Variants in ZNF516 observed in about 807,000 individuals in gnomAD.
The protein encoded by ZNF516 is zinc finger protein 516.
A neutral mutation model predicts 79.7 loss-of-function variants in ZNF516; 19 were observed. The observed-to-expected ratio is 0.24, with a 90% CI of 0.17 to 0.35. The LOEUF (loss-of-function observed/expected upper bound fraction) is 0.35. Among genes scored for constraint, ZNF516 ranks in the 10% least tolerant of loss-of-function variants. The pLI is 1.00. For synonymous variants in ZNF516, 877 were observed against 739.5 expected, an observed-to-expected ratio of 1.19 and a Z score of -3.02; for missense variants, 1,678 against 1,679.5, an observed-to-expected ratio of 1.00 and a Z score of 0.02.
chr18:76,486,294 ACAGTGTC>A (rs1382814002), intron 1 of ZNF516, among the ~76,000 whole-genome samples: 11 of 152,220 alleles, frequency 7.2e-5, no homozygotes, highest in African/African-American at 2.7e-4. Context: ...ATGCCCAAAC[ACAGTGTC>A]TTGTCAGCTC....
chr18:76,389,039 T>C (rs1273997571), intron 3 of ZNF516: 1 of 152,346 alleles, frequency 6.6e-6, no homozygotes, highest in Non-Finnish European at 1.5e-5. Flanking sequence ...AATACGAGAA[T>C]GACTGCAAGA....
At chr18:76,440,577 G>T (rs888914985) in intron 3 of ZNF516, among the ~76,000 whole-genome samples, 1 of 152,214 alleles carries the variant, frequency 6.6e-6, no homozygotes, top group Non-Finnish European at 1.5e-5. Context: ...AGTTGGCCAA[G>T]CATCTTTAAA....
intron 3 of ZNF516, among the ~76,000 whole-genome samples, chr18:76,404,630 CCT>C (rs896106463): frequency 3.3e-5 from 5 of 152,118 alleles, no homozygotes; most frequent in Middle Eastern, 3.4e-3. Context: ...TATGAGTGCA[CCT>C]GTGTGAGGAT....
chr18:76,449,438 T>C lies in ZNF516; in HGVS notation c.-157-6227A>G, dbSNP rs150435220. Among the ~76,000 whole-genome samples, 379 of 152,260 alleles carry C rather than the reference T, an allele frequency of 2.5e-3. 1 individual carries two copies. Among genetic ancestry groups the C allele is most frequent in the African/African-American group, 8.4e-3 (349 of 41,550 alleles). On this transcript the variant is annotated intron_variant, in intron 2 of 6. Transcript: ENST00000443185. Reference sequence around the variant, plus strand: ...TACAGTACAGCCTTCCTGACCTCCTTCAGCCAATGATAAGAGTCTGGTGAC... The same window carrying C: ...TACAGTACAGCCTTCCTGACCTCCTCCAGCCAATGATAAGAGTCTGGTGAC...
In ZNF516 at chr18:76,431,209, T is replaced by C. The variant is rs368300682; in HGVS notation, c.1810+10036A>G. On this transcript the variant is annotated intron_variant, in intron 3 of 6. Transcript: ENST00000443185. ...AAGAACCACAAAAAGAAAAACCACA[T>C]ACACACAAATGAAAAATTACGAACT... Among the ~76,000 whole-genome samples, 4 of 150,486 alleles carry C rather than the reference T, an allele frequency of 2.7e-5. No individual in the cohort carries two copies. The East Asian group carries it at 7.7e-4, about 29-fold the overall frequency.
chr18:76,396,939 A>G (rs995096455), intron 3 of ZNF516, among the ~76,000 whole-genome samples: 4 of 152,258 alleles, frequency 2.6e-5, no homozygotes, highest in Admixed American at 6.5e-5. Context: ...AAGGGGAGCC[A>G]AAGAAATGCT....
chr18:76,431,163 C>T (rs954248403), intron 3 of ZNF516, among the ~76,000 whole-genome samples: 10 of 152,070 alleles, frequency 6.6e-5, no homozygotes, highest in Non-Finnish European at 1.2e-4. Flanking sequence ...CAGATTAGGT[C>T]CAGCACACAG....
rs559885716 is a variant in ZNF516 at position 76,364,508 on chromosome 18, A to G, written c.3433-1951T>C. On this transcript the variant is annotated intron_variant, in intron 6 of 6. Transcript: ENST00000443185. ...TCGCTTTTCTTTTCTGCAGCTGTGA[A>G]CTGTGGGCTTTTCAGTAATGCTGAA... Among the ~76,000 whole-genome samples, 7 of 152,322 alleles carry G rather than the reference A, an allele frequency of 4.6e-5. No individual in the cohort carries two copies. The South Asian group carries it at 1.2e-3, about 27-fold the overall frequency.
chr18:76,491,857 C>G (rs1915246070), intron 1 of ZNF516, among the ~76,000 whole-genome samples: 1 of 152,148 alleles, frequency 6.6e-6, no homozygotes, highest in South Asian at 2.1e-4. Flanking sequence ...CAGGGCTGCC[C>G]AGTCCCGGTT....
At chr18:76,482,488 T>C (rs969520494) in intron 1 of ZNF516, among the ~76,000 whole-genome samples, 36 of 152,356 alleles carry the variant, frequency 2.4e-4, no homozygotes, top group African/African-American at 8.2e-4. Flanking sequence ...TGGACGTCGG[T>C]ACTTCATGGC....
intron 1 of ZNF516, among the ~76,000 whole-genome samples, chr18:76,489,386 TC>T (rs1459590268): frequency 6.6e-6 from 1 of 152,236 alleles, no homozygotes. Flanking sequence ...CTTTCCTTTT[TC>T]ACATACGTTG....
chr18:76,383,948 C>G (rs1411706392), intron 3 of ZNF516, among the ~76,000 whole-genome samples: 2 of 152,224 alleles, frequency 1.3e-5, no homozygotes, highest in African/African-American at 4.8e-5. Context: ...TCGCAAAGTG[C>G]TGCCACATGA....
At chr18:76,443,404 A>G (rs1460101826) in intron 2 of ZNF516, among the ~76,000 whole-genome samples, 193 bp from the exon 3 acceptor site, 1 of 152,202 alleles carries the variant, frequency 6.6e-6, no homozygotes, top group African/African-American at 2.4e-5. Context: ...TTAATTATCA[A>G]TAATGAACTA....
At chr18:76,368,200 G>C (rs1756028104) in intron 6 of ZNF516, among the ~76,000 whole-genome samples, 1 of 152,120 alleles carries the variant, frequency 6.6e-6, no homozygotes, top group South Asian at 2.1e-4. Context: ...TATAGGATAA[G>C]AACAAGGAAC....
intron 1 of ZNF516, chr18:76,490,340 T>C (rs1915095495): frequency 4.1e-6 from 1 of 241,092 alleles, no homozygotes; most frequent in African/African-American, 2.3e-5. Flanking sequence ...TGTGGCATAT[T>C]TAATTCTGGC....
intron 1 of ZNF516, among the ~76,000 whole-genome samples, chr18:76,481,353 A>AC (rs890148896): frequency 2.0e-5 from 3 of 152,172 alleles, no homozygotes; most frequent in Non-Finnish European, 4.4e-5. Flanking sequence ...GCCTGTCCCA[A>AC]CCCCCTCTTG....
At chr18:76,395,926 G>A (rs906578917) in intron 3 of ZNF516, among the ~76,000 whole-genome samples, 12 of 152,172 alleles carry the variant, frequency 7.9e-5, no homozygotes, top group African/African-American at 2.7e-4. Context: ...GTCCGGAAGT[G>A]CGCAAAGCTG....
chr18:76,379,650 G>C lies in ZNF516; in HGVS notation c.2464C>G (p.Leu822Val). 1 of 1,613,636 alleles carries C rather than the reference G, an allele frequency of 6.2e-7. No homozygotes were observed. ...AAAGGCTGGCATTCTTTGCCACCGAGGGCAGGCGGGGGGCCCGTGCGTCCG... is the reference window on the plus strand; with the variant it reads ...AAAGGCTGGCATTCTTTGCCACCGACGGCAGGCGGGGGGCCCGTGCGTCCG... ...RSGRTGPPPA[L>V]GGKECQPLLL... Residue 822 changes from leucine (L) to valine (V), a missense_variant, in exon 4 of 7, where the codon CTC becomes GTC. By Grantham distance (32) the Leu-to-Val change is conservative. This residue lies in a region of ZNF516 where 1,294 missense variants were observed against 1,248.3 expected (regional missense o/e 1.04). Transcript: ENST00000443185.
chr18:76,442,397 C>T lies in ZNF516; in HGVS notation c.658G>A (p.Glu220Lys), dbSNP rs865992119. 6.2e-7 allele frequency: 1 copy of T among 1,608,264 alleles called. No homozygotes were observed. Among genetic ancestry groups the T allele is most frequent in the Non-Finnish European group, 8.5e-7 (1 of 1,179,642 alleles). The change falls in exon 3 of 7, where the codon GAG becomes AAG. Residue 220 changes from glutamate to lysine, a missense_variant. By Grantham distance (56) the Glu-to-Lys change is moderately conservative. Around this residue, in one of 5 missense-constraint regions of ZNF516, gnomAD observed 279 missense variants for 254.1 expected, o/e 1.10. Coordinates refer to ENST00000443185, the MANE Select transcript of ZNF516 (RefSeq NM_014643.4). ...CCCTGCGCGGTGATGTGGTCCCTCT[C>T]GATGTGGCTCAGCAGCGACTCCTCC... ...LREESLLSHI[E>K]RDHITAQGPG...
Sources: gnomAD v4.1 joint callset for allele counts (sites outside exome capture counted in the v4.1 genomes callset) on GRCh38, gnomAD v4.1.1 for gene constraint, gnomAD v4.1.1 regional missense constraint, MANE v1.5 for transcripts, NCBI Gene and HGNC (gene_info 2026-07-23, HGNC 2026-07-21) for gene names.